The following DZIP3 variants were observed in gnomAD, a reference collection of about 807,000 sequenced individuals.
DZIP3 encodes the protein E3 ubiquitin-protein ligase DZIP3.
Under a neutral mutation model 162.0 loss-of-function variants are expected in DZIP3, and 118 were observed. The ratio of observed to expected loss-of-function variants is 0.73; its 90% CI spans 0.63 to 0.85. The LOEUF (loss-of-function observed/expected upper bound fraction) is 0.85, where lower values mean the gene tolerates loss of function less well. DZIP3 is among the 40% of genes least tolerant of loss of function. The pLI, the probability that DZIP3 is intolerant of heterozygous loss-of-function variation, is 0.00. For missense variants in DZIP3, 1,331 were observed against 1,407.0 expected, an observed-to-expected ratio of 0.95 and a Z score of 0.86; for synonymous variants, 438 against 458.6, an observed-to-expected ratio of 0.96 and a Z score of 0.57.
chr3:108,682,134 G>A (rs919541862), intron 26 of DZIP3, among the ~76,000 whole-genome samples: 16 of 150,968 alleles, frequency 1.1e-4, no homozygotes, highest in South Asian at 2.1e-4. Flanking sequence ...AAATGTTGGC[G>A]ATGATGTGGA....
intron 1 of DZIP3, among the ~76,000 whole-genome samples, chr3:108,601,455 C>T (rs947996610): frequency 1.2e-4 from 19 of 152,148 alleles, no homozygotes; most frequent in African/African-American, 4.3e-4. Context: ...AACTGTATTC[C>T]TTTCCTGAAA....
At chr3:108,629,913 C>T (rs1178850225) in intron 8 of DZIP3, among the ~76,000 whole-genome samples, 1 of 151,810 alleles carries the variant, frequency 6.6e-6, no homozygotes, top group East Asian at 1.9e-4. Flanking sequence ...TTAATTTGCT[C>T]AACTAGTTCC....
chr3:108,685,650 T>C (rs1032797403), intron 27 of DZIP3, among the ~76,000 whole-genome samples: 2 of 152,212 alleles, frequency 1.3e-5, no homozygotes, highest in African/African-American at 4.8e-5. Context: ...CACTTTTGTC[T>C]ACAACATTGA....
chr3:108,647,638 A>T (rs568833727), intron 15 of DZIP3, among the ~76,000 whole-genome samples: 1 of 152,294 alleles, frequency 6.6e-6, no homozygotes, highest in South Asian at 2.1e-4. Context: ...CAAGGTCAGG[A>T]CATGCAAAAA....
At chr3:108,686,413 C>A in intron 27 of DZIP3, 32 bp from the exon 28 acceptor site, 1 of 1,496,144 alleles carries the variant, frequency 6.7e-7, no homozygotes, top group East Asian at 2.4e-5. Flanking sequence ...AATAATTAAA[C>A]CTGCTGGGCT....
chr3:108,599,738 C>G (rs1939900595), intron 1 of DZIP3, among the ~76,000 whole-genome samples: 2 of 152,016 alleles, frequency 1.3e-5, no homozygotes, highest in African/African-American at 4.8e-5. Flanking sequence ...CCTTCATGAG[C>G]AGGATTGTAA....
intron 14 of DZIP3, 55 bp downstream of exon 14, chr3:108,644,836 T>A: frequency 1.3e-6 from 2 of 1,518,316 alleles, no homozygotes; most frequent in Non-Finnish European, 1.8e-6. Context: ...GAATGTCTGC[T>A]CTGTGCCAGG....
At chr3:108,608,872 A>G (rs778798918) in intron 3 of DZIP3, among the ~76,000 whole-genome samples, 1 of 152,170 alleles carries the variant, frequency 6.6e-6, no homozygotes, top group Non-Finnish European at 1.5e-5. Flanking sequence ...AGACTGGGTA[A>G]TTTATAAAGA....
rs1559785411 is a variant in DZIP3, at chr3:108,684,333, GC to G, written c.3007del (p.Leu1003Ter). On this transcript the variant is annotated frameshift_variant, in exon 27 of 33. Coordinates refer to ENST00000361582, the MANE Select transcript of DZIP3 (RefSeq NM_014648.4). LOFTEE classifies it high-confidence loss of function. ...CGTCTCTGCAACTGGCCAACCTAGA[GC>G]CCCCCTGGTAAAAGCTTTCTTGGTG... ...GVVSATGQPR[A>X]PLMTGIAWAL... 4 of 1,610,280 alleles carry G rather than the reference GC, an allele frequency of 2.5e-6. No homozygotes were observed. The highest frequency in any genetic ancestry group is 1.1e-5 in the South Asian group (1 of 90,452).
chr3:108,674,327 AT>A (rs1007669186), intron 24 of DZIP3, 146 bp downstream of exon 24: 31 of 620,524 alleles, frequency 5.0e-5, no homozygotes, highest in Non-Finnish European at 6.3e-5. Context: ...GTTTTTTTTC[AT>A]TTTTTTCCCC....
At chr3:108,620,417 A>G (rs1941269880) in intron 5 of DZIP3, among the ~76,000 whole-genome samples, 3 of 152,226 alleles carry the variant, frequency 2.0e-5, no homozygotes, top group South Asian at 2.1e-4. Context: ...AAGTTCCCAG[A>G]CATCAGCCAA....
At chr3:108,623,050 C>T (rs1941438469) in intron 5 of DZIP3, among the ~76,000 whole-genome samples, 1 of 151,922 alleles carries the variant, frequency 6.6e-6, no homozygotes, top group African/African-American at 2.4e-5. Flanking sequence ...TATACTGAGT[C>T]TCTTCTTTCT....
At chr3:108,603,936 G>T (rs1197593639) in intron 1 of DZIP3, among the ~76,000 whole-genome samples, 1 of 152,094 alleles carries the variant, frequency 6.6e-6, no homozygotes, top group Non-Finnish European at 1.5e-5. Flanking sequence ...GTTTTAGATG[G>T]GTTCAGGTTC....
intron 31 of DZIP3, among the ~76,000 whole-genome samples, chr3:108,689,493 C>T (rs1011227005): frequency 6.6e-6 from 1 of 152,086 alleles, no homozygotes; most frequent in Non-Finnish European, 1.5e-5. Context: ...ACCATCCTGG[C>T]TAACACTGTG....
intron 21 of DZIP3, among the ~76,000 whole-genome samples, chr3:108,663,496 C>A (rs1227975363): frequency 6.7e-6 from 1 of 148,764 alleles, no homozygotes; most frequent in African/African-American, 2.5e-5. Flanking sequence ...GCGGAGGTTG[C>A]AGTGAGCCGA....
chr3:108,601,574 AAT>A (rs1940021286), intron 1 of DZIP3, among the ~76,000 whole-genome samples: 1 of 152,176 alleles, frequency 6.6e-6, no homozygotes, highest in Admixed American at 6.5e-5. Context: ...GGCATTGTAT[AAT>A]CTGTAAGTGC....
intron 22 of DZIP3, among the ~76,000 whole-genome samples, chr3:108,670,601 G>C (rs1943891101): frequency 6.6e-6 from 1 of 151,864 alleles, no homozygotes; most frequent in African/African-American, 2.4e-5. Context: ...TTTATATACA[G>C]ATTTGTGGAC....
rs180759887 is a variant in DZIP3 at position 108,662,704 on chromosome 3, T to C, written c.2423+447T>C. On this transcript the variant is annotated intron_variant, in intron 21 of 32. Transcript: ENST00000361582. The stretch of plus-strand genomic sequence containing the variant: ...AAATCTTTTTGTTTGTTTGTTTGAC[T>C]GGGAGAGACTCTTTCCCCCCTTACC... Among the ~76,000 whole-genome samples, 3 of 152,298 alleles carry C rather than the reference T, an allele frequency of 2.0e-5. No homozygotes were observed. In the East Asian group the frequency reaches 5.8e-4, roughly 29 times the overall value.
intron 1 of DZIP3, among the ~76,000 whole-genome samples, chr3:108,596,635 G>A (rs1576336831): frequency 6.6e-6 from 1 of 152,108 alleles, no homozygotes; most frequent in Admixed American, 6.5e-5. Context: ...TGGCCAAGAA[G>A]GCTGTTACAA....
Sources: allele counts gnomAD v4.1 joint callset (sites outside exome capture counted in the v4.1 genomes callset), GRCh38; gene constraint gnomAD v4.1.1; transcripts MANE v1.5; gene names NCBI Gene and HGNC (gene_info 2026-07-23, HGNC 2026-07-21).